Variants in PRKN observed in about 807,000 individuals in gnomAD.
PRKN encodes the protein parkin RBR E3 ubiquitin protein ligase, also known as E3 ubiquitin-protein ligase parkin.
In PRKN, 56 loss-of-function variants were observed where a neutral mutation model predicts 59.5. The ratio of observed to expected loss-of-function variants is 0.94; its 90% CI spans 0.76 to 1.18. The LOEUF (loss-of-function observed/expected upper bound fraction) is 1.18, where lower values mean the gene tolerates loss of function less well. Ranked by LOEUF, PRKN falls within the 50% of genes most tolerant of loss-of-function variation. PRKN has a pLI of 0.00. For missense variants in PRKN, 657 were observed against 596.4 expected, an observed-to-expected ratio of 1.10 and a Z score of -1.06; for synonymous variants, 250 against 222.1, an observed-to-expected ratio of 1.13 and a Z score of -1.12.
chr6:162,036,247 C>G (rs1382360922), intron 5 of PRKN, among the ~76,000 whole-genome samples: 1 of 151,692 alleles, frequency 6.6e-6, no homozygotes, highest in Non-Finnish European at 1.5e-5. Context: ...TGGCGTGAAC[C>G]CGGGAGGCGG....
Position 161,645,629 on chromosome 6 carries a change from G to A in PRKN, c.872-76213C>T, listed in dbSNP as rs532939177. ...TGCAGTTTCATTCAATTTATATTAT[G>A]TTAGATGGATGTTAATGTCCTAGCT... is the stretch of plus-strand genomic sequence containing the variant. On this transcript the variant is annotated intron_variant, in intron 7 of 11. Coordinates refer to ENST00000366898, the MANE Select transcript of PRKN (RefSeq NM_004562.3). Among the ~76,000 whole-genome samples, 4 of 152,320 alleles carry A rather than the reference G, an allele frequency of 2.6e-5. No individual in the cohort carries two copies. The East Asian group carries it at 7.7e-4, about 29-fold the overall frequency.
At chr6:162,540,286 A>G (rs13206521) in intron 1 of PRKN, among the ~76,000 whole-genome samples, 13,533 of 151,964 alleles carry the variant, frequency 0.089, 768 homozygotes, top group South Asian at 0.18. Flanking sequence ...CTGAAGTGCA[A>G]TGGTGTGATC....
intron 6 of PRKN, among the ~76,000 whole-genome samples, chr6:161,908,960 A>G (rs1778252994): frequency 6.6e-6 from 1 of 152,216 alleles, no homozygotes; most frequent in Admixed American, 6.5e-5. Flanking sequence ...GAAATAATAC[A>G]AAATGATTAA....
chr6:162,568,151 T>C (rs867953818), intron 1 of PRKN, among the ~76,000 whole-genome samples: 1 of 152,134 alleles, frequency 6.6e-6, no homozygotes, highest in East Asian at 1.9e-4. Flanking sequence ...AACCTCAAAC[T>C]ATGAAATTAC....
chr6:162,580,897 C>T (rs1780764902), intron 1 of PRKN, among the ~76,000 whole-genome samples: 1 of 152,136 alleles, frequency 6.6e-6, no homozygotes, highest in Non-Finnish European at 1.5e-5. Flanking sequence ...TCCCCTCGCC[C>T]CAAAGTGTAA....
At chr6:162,046,933 T>A (rs74843937) in intron 5 of PRKN, among the ~76,000 whole-genome samples, 2 of 151,964 alleles carry the variant, frequency 1.3e-5, no homozygotes, top group African/African-American at 2.4e-5. Flanking sequence ...TTTTTTGTTA[T>A]CAAGTATTCA....
intron 1 of PRKN, among the ~76,000 whole-genome samples, chr6:162,580,662 T>C (rs916479247): frequency 1.2e-4 from 18 of 151,982 alleles, no homozygotes; most frequent in Non-Finnish European, 1.9e-4. Context: ...AGAAGGTCCA[T>C]GAACTGTGTT....
chr6:161,372,449 T>A lies in PRKN; in HGVS notation c.1168-12244A>T, dbSNP rs1249956239. The stretch of plus-strand genomic sequence containing the variant: ...GCACAAAGTAGACTATTATTTTTGC[T>A]AGAGTGAATGCAGAAATATTTTCAT... On this transcript the variant is annotated intron_variant, in intron 10 of 11. Transcript: ENST00000366898. The surrounding 1 kb of genome is among the most constrained non-coding windows in gnomAD (Gnocchi z 4.2). Among the ~76,000 whole-genome samples, 2 of 152,218 alleles carry A rather than the reference T, an allele frequency of 1.3e-5. No homozygotes were observed. The highest frequency in any genetic ancestry group is 1.5e-5 in the Non-Finnish European group (1 of 68,048).
intron 3 of PRKN, among the ~76,000 whole-genome samples, chr6:162,250,636 T>C (rs1322178314): frequency 6.6e-6 from 1 of 152,210 alleles, no homozygotes; most frequent in Non-Finnish European, 1.5e-5. Flanking sequence ...TTTCATCTAA[T>C]TGTTTCATCT....
At chr6:161,775,024 C>T (rs1006996619) in intron 7 of PRKN, among the ~76,000 whole-genome samples, 1 of 152,096 alleles carries the variant, frequency 6.6e-6, no homozygotes, top group Non-Finnish European at 1.5e-5. Flanking sequence ...TATAATTATA[C>T]AAGGTCCAGG....
chr6:162,011,275 T>TACC (rs1782665225), intron 5 of PRKN, among the ~76,000 whole-genome samples: 1 of 93,520 alleles, frequency 1.1e-5, no homozygotes, highest in African/African-American at 4.4e-5. Flanking sequence ...TTATAATATA[T>TACC]ATTTATAAAA....
At chr6:162,241,344 A>C (rs1778983901) in intron 3 of PRKN, among the ~76,000 whole-genome samples, 1 of 152,144 alleles carries the variant, frequency 6.6e-6, no homozygotes. Context: ...GTATTTGAGA[A>C]ATGCATCTAG....
intron 2 of PRKN, among the ~76,000 whole-genome samples, chr6:162,389,026 A>AAAC (rs1490854227): frequency 2.0e-5 from 3 of 150,788 alleles, no homozygotes; most frequent in African/African-American, 4.9e-5. Context: ...AAAAAAAAAC[A>AAAC]AAAAAACCTG....
intron 3 of PRKN, among the ~76,000 whole-genome samples, chr6:162,210,336 C>T (rs941151918): frequency 6.6e-6 from 1 of 152,030 alleles, no homozygotes; most frequent in Admixed American, 6.6e-5. Flanking sequence ...AGGTGAGGCA[C>T]TTAGAACAAT....
At chr6:161,976,178 T>C (rs141426158) in intron 5 of PRKN, among the ~76,000 whole-genome samples, 1 of 152,292 alleles carries the variant, frequency 6.6e-6, no homozygotes, top group African/African-American at 2.4e-5. Flanking sequence ...GTGCTGGGAT[T>C]ACAGGTGTGA....
chr6:162,497,760 C>T (rs4708963), intron 1 of PRKN, among the ~76,000 whole-genome samples: 77,389 of 151,880 alleles, frequency 0.51, 19,752 homozygotes, highest in Middle Eastern at 0.58. Flanking sequence ...CCATCTTCTA[C>T]GAAAAGCATA....
intron 7 of PRKN, among the ~76,000 whole-genome samples, chr6:161,717,951 A>T (rs1787056228): frequency 6.6e-6 from 1 of 152,184 alleles, no homozygotes; most frequent in Admixed American, 6.5e-5. Context: ...GCCCAGAGGG[A>T]AAAGCGCTCA....
chr6:161,992,359 C>G lies in PRKN; in HGVS notation c.619-18942G>C, dbSNP rs200689940. ...TGTCTTTAAAAAAGAGAGAGAGAGA[C>G]AAAGAAGATCATCATATAATGAAAC... On this transcript the variant is annotated intron_variant, in intron 5 of 11. Transcript: ENST00000366898. 5.3e-5 allele frequency among the ~76,000 whole-genome samples: 8 copies of G among 151,982 alleles called. No individual in the cohort carries two copies. The East Asian group carries it at 1.2e-3, about 22-fold the overall frequency.
chr6:161,509,045 T>C (rs1337154198), intron 9 of PRKN, among the ~76,000 whole-genome samples: 1 of 152,152 alleles, frequency 6.6e-6, no homozygotes, highest in Non-Finnish European at 1.5e-5. Context: ...GGTTTCTCCA[T>C]GTTGGTCAGG....
Sources: allele counts gnomAD v4.1 joint callset (sites outside exome capture counted in the v4.1 genomes callset), GRCh38; gene constraint gnomAD v4.1.1; non-coding constraint Gnocchi (gnomAD v3.1); transcripts MANE v1.5; gene names NCBI Gene and HGNC (gene_info 2026-07-23, HGNC 2026-07-21).